The following ALDH1A3 variants were observed in gnomAD, a reference collection of about 807,000 sequenced individuals.
The protein encoded by ALDH1A3 is retinaldehyde dehydrogenase 3.
Under a neutral mutation model 57.5 loss-of-function variants are expected in ALDH1A3, and 28 were observed. The ratio of observed to expected loss-of-function variants is 0.49; its 90% confidence interval spans 0.36 to 0.67. The LOEUF is 0.67. ALDH1A3 is among the 30% of genes least tolerant of loss of function. The probability of loss-of-function intolerance (pLI) is 0.00; values close to 1 mark genes in which losing one functional copy is unlikely to be tolerated. For missense variants in ALDH1A3, 507 were observed against 669.4 expected (o/e 0.76, Z 2.68); for synonymous variants, 281 against 264.8 (o/e 1.06, Z -0.59).
At chr15:100,896,874 C>T (rs1480840766) in intron 7 of ALDH1A3, among the ~76,000 whole-genome samples, 1 of 152,142 alleles carries the variant, frequency 6.6e-6, no homozygotes, top group East Asian at 1.9e-4. Flanking sequence ...ACAATATTTT[C>T]CCATTCGTAG....
chr15:100,885,655 C>CTTTTTTTT (rs4646657), intron 2 of ALDH1A3, among the ~76,000 whole-genome samples: 5 of 138,316 alleles, frequency 3.6e-5, no homozygotes, highest in Non-Finnish European at 4.7e-5. Flanking sequence ...TTTCTTTTTT[C>CTTTTTTTT]TTTTTTTTTT....
In ALDH1A3 at chr15:100,892,529, C is replaced by G. The variant is rs1596124414; in HGVS notation, c.365C>G (p.Thr122Arg). 1 of 1,612,758 alleles carries G rather than the reference C, an allele frequency of 6.2e-7. No individual in the cohort carries two copies. Among genetic ancestry groups the G allele is most frequent in the Non-Finnish European group, 8.5e-7 (1 of 1,179,678 alleles). Residue 122 changes from threonine (T) to arginine (R), a missense_variant, in exon 4 of 13, where the codon ACA (threonine) becomes AGA (arginine). Transcript: ENST00000329841. ...TTGCAGGCCCTGGAGACGATGGATA[C>G]AGGGAAGCCATTTCTTCATGCTTTT... ...ATLAALETMD[T>R]GKPFLHAFFI...
At position 100,887,408 on chromosome 15, in the gene ALDH1A3, A is replaced by C. The variant is rs1433705265; in HGVS notation, c.205-164A>C. ...AAAAGATGACACCGAAACTGCAGTC[A>C]CTTCAAAAGATGACACCCAAACTGC... is the stretch of plus-strand genomic sequence containing the variant. On this transcript the variant is annotated intron_variant, in intron 2 of 12. Coordinates refer to ENST00000329841, the MANE Select transcript of ALDH1A3 (RefSeq NM_000693.4). The surrounding 1 kb of genome is among the most constrained non-coding windows in gnomAD (Gnocchi z 4.6). Among the ~76,000 whole-genome samples the C allele has an allele frequency of 1.3e-5, 2 of 152,084 alleles. No individual in the cohort carries two copies. The highest frequency in any genetic ancestry group is 2.9e-5 in the Non-Finnish European group (2 of 68,024).
chr15:100,902,710 T>C (rs1002745342), intron 9 of ALDH1A3, among the ~76,000 whole-genome samples: 2 of 152,230 alleles, frequency 1.3e-5, no homozygotes, highest in Admixed American at 6.5e-5. Context: ...GTCATCTCAC[T>C]TCCTGGCAGG....
At chr15:100,905,804 C>A in intron 10 of ALDH1A3, 117 bp downstream of exon 10, 2 of 1,129,344 alleles carry the variant, frequency 1.8e-6, no homozygotes, top group Non-Finnish European at 2.4e-6. Context: ...GTTTTTGTTG[C>A]TGTTGTTGTC....
intron 4 of ALDH1A3, 139 bp downstream of exon 4, chr15:100,892,778 C>A (rs2041663271): frequency 1.5e-6 from 2 of 1,354,012 alleles, no homozygotes; most frequent in Non-Finnish European, 2.0e-6. Flanking sequence ...GCCAATTCTT[C>A]TTCTAAGAAC....
chr15:100,913,291 C>T (rs1361601526), intron 12 of ALDH1A3: 2 of 152,188 alleles, frequency 1.3e-5, no homozygotes, highest in African/African-American at 2.4e-5. Flanking sequence ...AATCTATTAT[C>T]TTATAGTTCT....
rs61757679 is a variant in ALDH1A3 at position 100,895,956 on chromosome 15, G to C, written c.690G>C (p.Val230=). The part of the protein sequence containing the change: ...IKEAGFPPGV[V]NIVPGFGPTV... Reference sequence around the variant, plus strand: ...AGGCCGGGTTCCCTCCAGGAGTGGTGAACATTGTGCCAGGATTCGGGCCCA... The same window carrying C: ...AGGCCGGGTTCCCTCCAGGAGTGGTCAACATTGTGCCAGGATTCGGGCCCA... Residue 230 remains valine, a synonymous_variant, in exon 7 of 13, where the codon GTG becomes GTC. Coordinates refer to ENST00000329841, the MANE Select transcript of ALDH1A3 (RefSeq NM_000693.4). The C allele has an allele frequency of 6.2e-7, 1 of 1,613,442 alleles. No individual in the cohort carries two copies. The highest frequency in any genetic ancestry group is 1.3e-5 in the African/African-American group (1 of 74,926).
At position 100,898,128 on chromosome 15, in the gene ALDH1A3, C is replaced by G. The variant is rs776141464; in HGVS notation, c.826C>G (p.Arg276Gly). Residue 276 changes from arginine to glycine, a missense_variant, in exon 8 of 13, where the codon CGG (arginine) becomes GGG (glycine). Physicochemically the swap from Arg to Gly is moderately radical, Grantham distance 125. Transcript: ENST00000329841. Reference sequence around the variant, plus strand: ...AGCTGCGTCCCGGAGCAATCTGAAGCGGGTGACGCTGGAGCTGGGGGGGAA... The same window carrying G: ...AGCTGCGTCCCGGAGCAATCTGAAGGGGGTGACGCTGGAGCTGGGGGGGAA... ...KEAASRSNLK[R>G]VTLELGGKNP... The G allele has an allele frequency of 1.9e-6, 3 of 1,614,038 alleles. No homozygotes were observed. The highest frequency in any genetic ancestry group is 3.3e-5 in the Admixed American group (2 of 60,008).
chr15:100,880,382 A>G, intron 1 of ALDH1A3: 1 of 372,300 alleles, frequency 2.7e-6, no homozygotes, highest in Admixed American at 4.6e-5. Flanking sequence ...CCCTCCCCAA[A>G]AACCCCTGCG....
At chr15:100,881,869 C>CA (rs1567166562) in intron 1 of ALDH1A3, among the ~76,000 whole-genome samples, 5 of 152,318 alleles carry the variant, frequency 3.3e-5, no homozygotes, top group African/African-American at 1.2e-4. Context: ...CTGCAGAGAC[C>CA]TCCCCATAGC....
At position 100,885,322 on chromosome 15, in the gene ALDH1A3, G is replaced by T. The variant is rs370256420; in HGVS notation, c.155G>T (p.Cys52Phe). 2 of 1,613,942 alleles carry T rather than the reference G, an allele frequency of 1.2e-6. No homozygotes were observed. The highest frequency in any genetic ancestry group is 2.7e-5 in the African/African-American group (2 of 74,944). ...ESKSGKKFAT[C>F]NPSTREQICE... ...AAGAGTGGGAAAAAGTTTGCTACAT[G>T]TAACCCTTCAACTCGGGAGCAAATA... The change falls in exon 2 of 13, where the codon TGT becomes TTT. Residue 52 changes from cysteine to phenylalanine, a missense_variant. Around this residue, in one of 2 missense-constraint regions of ALDH1A3, gnomAD observed 432 missense variants for 608.4 expected, o/e 0.71. Coordinates refer to ENST00000329841, the MANE Select transcript of ALDH1A3 (RefSeq NM_000693.4).
chr15:100,905,416 A>G, intron 9 of ALDH1A3, 107 bp from the exon 10 acceptor site: 1 of 1,367,200 alleles, frequency 7.3e-7, no homozygotes, highest in Non-Finnish European at 1.0e-6. Context: ...CTTGACAAGA[A>G]CATGCAGAGG....
At position 100,884,746 on chromosome 15, in the gene ALDH1A3, C is replaced by T. The variant is rs117224345; in HGVS notation, c.100-521C>T. ...ATGTGCATTGGTGAAAACTGAAGGGCGATGGTGAGATCCTCCTCAAAGTGA... is the reference window on the plus strand; with the variant it reads ...ATGTGCATTGGTGAAAACTGAAGGGTGATGGTGAGATCCTCCTCAAAGTGA... On this transcript the variant is annotated intron_variant, in intron 1 of 12. Coordinates refer to ENST00000329841, the MANE Select transcript of ALDH1A3 (RefSeq NM_000693.4). Among the ~76,000 whole-genome samples, 572 of 152,052 alleles carry T rather than the reference C, an allele frequency of 3.8e-3. 10 individuals are homozygous for T. The highest frequency in any genetic ancestry group is 0.023 in the East Asian group (119 of 5,170).
chr15:100,897,897 G>A (rs2041723533), intron 7 of ALDH1A3, among the ~76,000 whole-genome samples, 186 bp from the exon 8 acceptor site: 1 of 152,220 alleles, frequency 6.6e-6, no homozygotes, highest in Non-Finnish European at 1.5e-5. Context: ...TCATGGTCTG[G>A]CATGGGAGGA....
chr15:100,887,771 C>T lies in ALDH1A3; in HGVS notation c.345+59C>T. The T allele has an allele frequency of 6.6e-7, 1 of 1,518,002 alleles. No individual in the cohort carries two copies. Among genetic ancestry groups the T allele is most frequent in the Non-Finnish European group, 8.9e-7 (1 of 1,127,686 alleles). 94.0% of individuals were successfully genotyped at this position (1,518,002 alleles called of 1,614,324 possible). On this transcript the variant is annotated intron_variant, in intron 3 of 12. Transcript: ENST00000329841. This position sits in a 1 kb window ranked among gnomAD's most constrained non-coding sequence, Gnocchi z 4.6. ...GAGCCAGCCTCACTGAGGGTCCTGTCCACCATGGGGTATGGGAAAAAAGAT... is the reference window on the plus strand; with the variant it reads ...GAGCCAGCCTCACTGAGGGTCCTGTTCACCATGGGGTATGGGAAAAAAGAT...
At position 100,887,276 on chromosome 15, in the gene ALDH1A3, C is replaced by G. The variant is rs1160529324; in HGVS notation, c.205-296C>G. ...TGCAGTCACGTCAAAAGATGACACCCAAACTGCAGTCACCTCAAAAGATGA... is the reference window on the plus strand; with the variant it reads ...TGCAGTCACGTCAAAAGATGACACCGAAACTGCAGTCACCTCAAAAGATGA... On this transcript the variant is annotated intron_variant, in intron 2 of 12. Coordinates refer to ENST00000329841, the MANE Select transcript of ALDH1A3 (RefSeq NM_000693.4). The surrounding 1 kb of genome is among the most constrained non-coding windows in gnomAD (Gnocchi z 4.6). 2.0e-5 allele frequency among the ~76,000 whole-genome samples: 3 copies of G among 151,894 alleles called. No individual in the cohort carries two copies. Among genetic ancestry groups the G allele is most frequent in the African/African-American group, 2.4e-5 (1 of 41,308 alleles).
Position 100,885,264 on chromosome 15 carries a change from T to C in ALDH1A3, c.100-3T>C. 1 of 1,603,728 alleles carries C rather than the reference T, an allele frequency of 6.2e-7. No individual in the cohort carries two copies. The highest frequency in any genetic ancestry group is 8.5e-7 in the Non-Finnish European group (1 of 1,170,570). The stretch of plus-strand genomic sequence containing the variant: ...AATTGGTTACACTTCCTTTCCTGGT[T>C]AGATATTTATCAACAATGAATGGCA... On this transcript the variant is annotated splice_region_variant and splice_polypyrimidine_tract_variant and intron_variant, in intron 1 of 12. Transcript: ENST00000329841.
chr15:100,881,588 T>A (rs1463647707), intron 1 of ALDH1A3: 1 of 152,208 alleles, frequency 6.6e-6, no homozygotes, highest in Non-Finnish European at 1.5e-5. Context: ...TTTAGGACAC[T>A]TTTAAAGTGT....
Sources: allele counts gnomAD v4.1 joint callset (sites outside exome capture counted in the v4.1 genomes callset), GRCh38; gene constraint gnomAD v4.1.1; regional missense constraint gnomAD v4.1.1; non-coding constraint Gnocchi (gnomAD v3.1); transcripts MANE v1.5; gene names NCBI Gene and HGNC (gene_info 2026-07-23, HGNC 2026-07-21).